MEX3D: variants seen among roughly 807,000 people sequenced by gnomAD.
MEX3D encodes the protein mex-3 RNA binding family member D.
A neutral mutation model predicts 6.3 loss-of-function variants in MEX3D; 4 were observed. The ratio of observed to expected loss-of-function variants is 0.64; its 90% confidence interval spans 0.31 to 1.46. The LOEUF (loss-of-function observed/expected upper bound fraction) is 1.46, where lower values mean the gene tolerates loss of function less well. Among genes scored for constraint, MEX3D ranks in the 40% most tolerant of loss-of-function variants. The pLI is 0.07. For missense variants in MEX3D, 1,038 were observed against 994.4 expected (o/e 1.04, Z -0.59); for synonymous variants, 626 against 494.1 (o/e 1.27, Z -3.54).
Position 1,556,367 on chromosome 19 carries a change from G to A in MEX3D, c.1152C>T (p.Pro384=). 1 of 1,483,748 alleles carries A rather than the reference G, an allele frequency of 6.7e-7. No individual in the cohort carries two copies. The highest frequency in any genetic ancestry group is 8.9e-7 in the Non-Finnish European group (1 of 1,128,010). 91.9% of individuals were successfully genotyped at this position (1,483,748 alleles called of 1,614,324 possible). A position where few individuals can be genotyped will look rare whatever the true frequency, so the allele number is the denominator to read the frequency against. Residue 384 remains proline (P), a synonymous_variant, in exon 2 of 2, where the codon CCC becomes CCT. Coordinates refer to ENST00000402693, the MANE Select transcript of MEX3D (RefSeq NM_203304.4). The surrounding 1 kb of genome is among the most constrained non-coding windows in gnomAD (Gnocchi z 7.5). ...AKTPNQGRRP[P]TATAGLRGDT... Reference sequence around the variant, plus strand: ...CCCCGCGGAGGCCGGCCGTGGCCGTGGGGGGCCGTCGTCCCTGGTTGGGGG... The same window carrying A: ...CCCCGCGGAGGCCGGCCGTGGCCGTAGGGGGCCGTCGTCCCTGGTTGGGGG...
rs1226481798 is a variant in MEX3D, at chr19:1,556,015, C to T, written c.1504G>A (p.Ala502Thr). ...GTCCCGGCCCCACTGCTGCGCCGGG[C>T]GCCGGCGGCGGGAGGTCCCGGGGCT... The part of the protein sequence containing the change: ...NGAPGPPAAG[A>T]RRSSGAGTPR... The change falls in exon 2 of 2, where the codon GCC becomes ACC. Residue 502 changes from alanine (A) to threonine (T), a missense_variant. Transcript: ENST00000402693. This position sits in a 1 kb window ranked among gnomAD's most constrained non-coding sequence, Gnocchi z 7.5. 3 of 1,238,186 alleles carry T rather than the reference C, an allele frequency of 2.4e-6. No individual in the cohort carries two copies. Among genetic ancestry groups the T allele is most frequent in the Non-Finnish European group, 1.0e-6 (1 of 986,682 alleles). The allele number at this position is 1,238,186 out of a possible 1,614,324, so 76.7% of individuals were successfully genotyped here. A position where few individuals can be genotyped will look rare whatever the true frequency, so the allele number is the denominator to read the frequency against.
intron 1 of MEX3D, among the ~76,000 whole-genome samples, chr19:1,566,071 G>A (rs1339788956): frequency 2.0e-5 from 3 of 152,230 alleles, no homozygotes; most frequent in African/African-American, 7.2e-5. Context: ...CAGGGCAGCT[G>A]TCCCGTTCTA....
In MEX3D at chr19:1,568,313, A is replaced by AGGC. The variant is rs1369375481; in HGVS notation, c.-258_-256dup. Among the ~76,000 whole-genome samples, 104 of 132,240 alleles carry AGGC rather than the reference A, an allele frequency of 7.9e-4. No homozygotes were observed. The highest frequency in any genetic ancestry group is 1.5e-3 in the African/African-American group (56 of 36,328). 86.8% of individuals were successfully genotyped at this position (132,240 alleles called of 152,430 possible). ...GGCGGCGGCGGCTCCTCGGCGGCCG[A>AGGC]GGCGGCGGCGGCGGCGCGGGACGCT... On this transcript the variant is annotated 5_prime_UTR_variant, in exon 1 of 2. Transcript: ENST00000402693.
At chr19:1,565,280 G>A (rs940595454) in intron 1 of MEX3D, among the ~76,000 whole-genome samples, 44 of 152,168 alleles carry the variant, frequency 2.9e-4, no homozygotes, top group African/African-American at 8.7e-4. Context: ...AGTGGCTCAC[G>A]CCTGTAATCT....
chr19:1,556,646 G>C lies in MEX3D; in HGVS notation c.873C>G (p.Pro291=). The C allele has an allele frequency of 1.9e-6, 3 of 1,610,592 alleles. No homozygotes were observed. Among genetic ancestry groups the C allele is most frequent in the Non-Finnish European group, 2.5e-6 (3 of 1,179,112 alleles). Residue 291 remains proline (P), a synonymous_variant, in exon 2 of 2, where the codon CCC becomes CCG. Transcript: ENST00000402693. The surrounding 1 kb of genome is among the most constrained non-coding windows in gnomAD (Gnocchi z 7.5). ...GGATGCGCTTGATGGTGGCGCCCTTGGGCCCCACCACCAGCCCCACCACCC... is the reference window on the plus strand; with the variant it reads ...GGATGCGCTTGATGGTGGCGCCCTTCGGCCCCACCACCAGCCCCACCACCC... The part of the protein sequence containing the change: ...PYRVVGLVVG[P]KGATIKRIQQ...
At chr19:1,563,355 G>T (rs1008917922) in intron 1 of MEX3D, among the ~76,000 whole-genome samples, 5 of 152,208 alleles carry the variant, frequency 3.3e-5, no homozygotes, top group Non-Finnish European at 7.3e-5. Context: ...AGCCTGTGCC[G>T]ACAGCAGAGA....
Position 1,567,492 on chromosome 19 carries a change from C to T in MEX3D, c.567G>A (p.Glu189=), listed in dbSNP as rs763059401. The T allele has an allele frequency of 1.9e-6, 3 of 1,573,694 alleles. No homozygotes were observed. Among genetic ancestry groups the T allele is most frequent in the Non-Finnish European group, 1.7e-6 (2 of 1,160,882 alleles). Residue 189 remains glutamate (E), a synonymous_variant, in exon 1 of 2, where the codon GAG becomes GAA. Coordinates refer to ENST00000402693, the MANE Select transcript of MEX3D (RefSeq NM_203304.4). The surrounding 1 kb of genome is among the most constrained non-coding windows in gnomAD (Gnocchi z 6.5). ...GGCGACCCACGATCTCGGCGACGTG[C>T]TCGGAGCTGGGCACCGGGACGCACT... ...MTECVPVPSS[E]HVAEIVGRQG...
chr19:1,565,957 G>A (rs1380431680), intron 1 of MEX3D, among the ~76,000 whole-genome samples: 1 of 152,248 alleles, frequency 6.6e-6, no homozygotes, highest in Non-Finnish European at 1.5e-5. Flanking sequence ...AAAGAACACA[G>A]CCACAGCCTC....
rs1029530008 is a variant in MEX3D at position 1,555,780 on chromosome 19, G to A, written c.1739C>T (p.Ala580Val). ...AAACAPLDSG[A>V]SENSRKPPSA... The stretch of plus-strand genomic sequence containing the variant: ...AGGGGGCTTGCGGCTGTTCTCGGAG[G>A]CGCCGGAGTCCAGGGGGGCGCAGGC... Residue 580 changes from alanine (A) to valine (V), a missense_variant, in exon 2 of 2, where the codon GCC becomes GTC. Transcript: ENST00000402693. 2.7e-6 allele frequency: 4 copies of A among 1,455,934 alleles called. No individual in the cohort carries two copies. Among genetic ancestry groups the A allele is most frequent in the Non-Finnish European group, 3.6e-6 (4 of 1,111,702 alleles). 90.2% of individuals were successfully genotyped at this position (1,455,934 alleles called of 1,614,324 possible).
Position 1,555,512 on chromosome 19 carries a change from C to T in MEX3D, c.*51G>A. The T allele has an allele frequency of 6.6e-7, 1 of 1,522,394 alleles. No homozygotes were observed. Among genetic ancestry groups the T allele is most frequent in the Non-Finnish European group, 8.8e-7 (1 of 1,133,174 alleles). 94.3% of individuals were successfully genotyped at this position (1,522,394 alleles called of 1,614,324 possible). On this transcript the variant is annotated 3_prime_UTR_variant, in exon 2 of 2. Transcript: ENST00000402693. ...ACCCCGGGTCCCGCCCCGTCTCCCG[C>T]GCCCACCCCTGGCCCCCGCAGATGG...
At chr19:1,562,418 G>A (rs191693377) in intron 1 of MEX3D, among the ~76,000 whole-genome samples, 139 of 151,738 alleles carry the variant, frequency 9.2e-4, no homozygotes, top group Non-Finnish European at 5.9e-4. Context: ...CCAGTTACTC[G>A]GGAGGCTGAG....
In MEX3D at chr19:1,568,222, GGGGCCGGGCC is replaced by G. The variant is rs962555216; in HGVS notation, c.-174_-165del. Among the ~76,000 whole-genome samples, 121 of 141,306 alleles carry G rather than the reference GGGGCCGGGCC, an allele frequency of 8.6e-4. 1 individual carries two copies. In the East Asian group the frequency reaches 0.015, roughly 18 times the overall value. 92.7% of individuals were successfully genotyped at this position (141,306 alleles called of 152,430 possible). ...GGGCGGCGGCGGCGCGGGGCTGCTC[GGGGCCGGGCC>G]GGGCCGGGCCGGGCGGCGGCAGCGA... On this transcript the variant is annotated 5_prime_UTR_variant, in exon 1 of 2. Coordinates refer to ENST00000402693, the MANE Select transcript of MEX3D (RefSeq NM_203304.4).
In MEX3D at chr19:1,568,072, G is replaced by A; in HGVS notation, c.-14C>T. On this transcript the variant is annotated 5_prime_UTR_variant, in exon 1 of 2. Coordinates refer to ENST00000402693, the MANE Select transcript of MEX3D (RefSeq NM_203304.4). The stretch of plus-strand genomic sequence containing the variant: ...CGAGCTGGGCATGGCGGGAGCTAGC[G>A]CTGGGGCCCGCGCTCCTGCCGCCCG... 3.1e-6 allele frequency: 3 copies of A among 978,660 alleles called. No homozygotes were observed. The highest frequency in any genetic ancestry group is 3.6e-6 in the Non-Finnish European group (3 of 827,776). The allele number at this position is 978,660 out of a possible 1,614,324, so 60.6% of individuals were successfully genotyped here.
chr19:1,567,667 G>T lies in MEX3D; in HGVS notation c.392C>A (p.Ala131Glu). ...PGSLPLLDPN[A>E]SPPPPPPPRP... ...GGGCGGCGGCGGCGGCGGGGGACTC[G>T]CGTTGGGGTCCAGCAGCGGCAGCGA... is the stretch of plus-strand genomic sequence containing the variant. Residue 131 changes from alanine to glutamate, a missense_variant, in exon 1 of 2, where the codon GCG (alanine) becomes GAG (glutamate). Around this residue, in one of 5 missense-constraint regions of MEX3D, gnomAD observed 265 missense variants for 206.3 expected, o/e 1.28. Transcript: ENST00000402693. The surrounding 1 kb of genome is among the most constrained non-coding windows in gnomAD (Gnocchi z 6.5). The T allele has an allele frequency of 1.7e-6, 2 of 1,193,280 alleles. No individual in the cohort carries two copies. Among genetic ancestry groups the T allele is most frequent in the Non-Finnish European group, 2.1e-6 (2 of 955,490 alleles). The allele number at this position is 1,193,280 out of a possible 1,614,324, so 73.9% of individuals were successfully genotyped here.
At position 1,555,300 on chromosome 19, in the gene MEX3D, T is replaced by C; in HGVS notation, c.*263A>G. On this transcript the variant is annotated 3_prime_UTR_variant, in exon 2 of 2. Coordinates refer to ENST00000402693, the MANE Select transcript of MEX3D (RefSeq NM_203304.4). ...AAACTAAAAAAAGTGCAAGCGGACC[T>C]TTTCTCTCCGGTTTATTGTAACCTG... is the stretch of plus-strand genomic sequence containing the variant. The C allele has an allele frequency of 6.3e-7, 1 of 1,576,556 alleles. No individual in the cohort carries two copies. Among genetic ancestry groups the C allele is most frequent in the Non-Finnish European group, 8.6e-7 (1 of 1,156,676 alleles).
rs1914870283 is a variant in MEX3D at position 1,567,428 on chromosome 19, C to T, written c.595+36G>A. 6.5e-7 allele frequency: 1 copy of T among 1,540,358 alleles called. No homozygotes were observed. The stretch of plus-strand genomic sequence containing the variant: ...TTCCCCGGGGCGGACGGTGCGGGGA[C>T]CCCCAGGACAGCAACCCCCGACGAG... On this transcript the variant is annotated intron_variant, in intron 1 of 1. Transcript: ENST00000402693. The surrounding 1 kb of genome is among the most constrained non-coding windows in gnomAD (Gnocchi z 6.5).
chr19:1,567,419 G>A lies in MEX3D; in HGVS notation c.595+45C>T. On this transcript the variant is annotated intron_variant, in intron 1 of 1. Coordinates refer to ENST00000402693, the MANE Select transcript of MEX3D (RefSeq NM_203304.4). The surrounding 1 kb of genome is among the most constrained non-coding windows in gnomAD (Gnocchi z 6.5). ...GCGACCCCCTTCCCCGGGGCGGACG[G>A]TGCGGGGACCCCCAGGACAGCAACC... The A allele has an allele frequency of 1.3e-6, 2 of 1,527,836 alleles. No homozygotes were observed. The highest frequency in any genetic ancestry group is 1.7e-6 in the Non-Finnish European group (2 of 1,142,860). The allele number at this position is 1,527,836 out of a possible 1,614,324, so 94.6% of individuals were successfully genotyped here.
intron 1 of MEX3D, among the ~76,000 whole-genome samples, chr19:1,564,257 G>A (rs1876637209): frequency 6.6e-6 from 1 of 152,116 alleles, no homozygotes; most frequent in Admixed American, 6.5e-5. Context: ...CAATGGCCAG[G>A]CGCAGTGGCT....
chr19:1,555,386 A>C lies in MEX3D; in HGVS notation c.*177T>G. ...GCCGGGCTGCGGGGTCTCCGTCTCC[A>C]CGCCTGAGGCGGCAGTTAAAGCTCA... On this transcript the variant is annotated 3_prime_UTR_variant, in exon 2 of 2. Coordinates refer to ENST00000402693, the MANE Select transcript of MEX3D (RefSeq NM_203304.4). 1 of 1,599,752 alleles carries C rather than the reference A, an allele frequency of 6.3e-7. No homozygotes were observed. The highest frequency in any genetic ancestry group is 8.5e-7 in the Non-Finnish European group (1 of 1,172,798).
Sources: allele counts gnomAD v4.1 joint callset (sites outside exome capture counted in the v4.1 genomes callset), GRCh38; gene constraint gnomAD v4.1.1; regional missense constraint gnomAD v4.1.1; non-coding constraint Gnocchi (gnomAD v3.1); transcripts MANE v1.5; gene names NCBI Gene and HGNC (gene_info 2026-07-23, HGNC 2026-07-21).